The following NCK2 variants were observed in gnomAD, a reference collection of about 807,000 sequenced individuals.
The protein encoded by NCK2 is NCK adaptor protein 2.
NCK2 carries 16 observed loss-of-function variants against 33.9 expected under a neutral mutation model. The observed-to-expected ratio is 0.47, with a 90% CI of 0.32 to 0.72. The LOEUF is 0.72. Among genes scored for constraint, NCK2 ranks in the 30% least tolerant of loss-of-function variants. The pLI, the probability that NCK2 is intolerant of heterozygous loss-of-function variation, is 0.03. For missense variants in NCK2, 418 were observed against 537.3 expected (o/e 0.78, Z 2.19); for synonymous variants, 273 against 239.9 (o/e 1.14, Z -1.27).
At chr2:105,848,729 C>T (rs1396421508) in intron 2 of NCK2, 1 of 152,198 alleles carries the variant, frequency 6.6e-6, no homozygotes, top group Admixed American at 6.5e-5. Context: ...GAAACAAGCC[C>T]CTTCCCAAAT....
chr2:105,752,965 C>A (rs751430450), intron 1 of NCK2, among the ~76,000 whole-genome samples: 17 of 152,192 alleles, frequency 1.1e-4, no homozygotes, highest in African/African-American at 3.4e-4. Flanking sequence ...TGTAATAACT[C>A]ATTGAGTCCT....
chr2:105,762,588 C>G (rs557028405), intron 1 of NCK2, among the ~76,000 whole-genome samples: 3 of 152,140 alleles, frequency 2.0e-5, no homozygotes, highest in Non-Finnish European at 4.4e-5. Context: ...GAAAAAACAT[C>G]CTTATTTCCA....
rs1360838761 is a variant in NCK2 at position 105,881,391 on chromosome 2, C to A, written c.290C>A (p.Ala97Asp). The change falls in exon 4 of 5, where the codon GCC (alanine) becomes GAC (aspartate). Residue 97 changes from alanine to aspartate, a missense_variant. Ala to Asp is a moderately radical substitution (Grantham distance 126, BLOSUM62 -2). Transcript: ENST00000233154. ...RDASPTPSTD[A>D]EYPANGSGAD... ...GCGTCCCCCACGCCCAGCACGGACG[C>A]CGAGTACCCCGCCAATGGCAGCGGC... The A allele has an allele frequency of 2.5e-6, 4 of 1,611,546 alleles. No individual in the cohort carries two copies. Among genetic ancestry groups the A allele is most frequent in the Non-Finnish European group, 3.4e-6 (4 of 1,179,880 alleles).
intron 1 of NCK2, among the ~76,000 whole-genome samples, chr2:105,781,591 G>C (rs1241836499): frequency 6.6e-6 from 1 of 152,204 alleles, no homozygotes; most frequent in Non-Finnish European, 1.5e-5. Context: ...TGTGACTTTG[G>C]GCTGGCAGAG....
intron 3 of NCK2, among the ~76,000 whole-genome samples, chr2:105,872,838 G>A (rs545338357): frequency 1.1e-4 from 17 of 152,298 alleles, no homozygotes; most frequent in Non-Finnish European, 2.1e-4. Flanking sequence ...GAAATGATTC[G>A]GAGAAATCTC....
At chr2:105,813,313 T>A (rs1382178274) in intron 1 of NCK2, among the ~76,000 whole-genome samples, 1 of 152,240 alleles carries the variant, frequency 6.6e-6, no homozygotes, top group African/African-American at 2.4e-5. Flanking sequence ...TCCTGAAGGC[T>A]GACTTTAGTC....
At position 105,842,965 on chromosome 2, in the gene NCK2, C is replaced by CT. The variant is rs1676708001; in HGVS notation, c.-16-12081dup. ...CTAGTGGAGATAAAATACCATCAGG[C>CT]TTCACAGCACAGTTTTATTATTTTC... On this transcript the variant is annotated intron_variant, in intron 2 of 4. Coordinates refer to ENST00000233154, the MANE Select transcript of NCK2 (RefSeq NM_003581.5). 2.0e-5 allele frequency among the ~76,000 whole-genome samples: 3 copies of CT among 152,158 alleles called. No individual in the cohort carries two copies. In the South Asian group the frequency reaches 6.2e-4, roughly 32 times the overall value.
chr2:105,824,065 C>T (rs1157800934), intron 2 of NCK2, among the ~76,000 whole-genome samples: 1 of 152,104 alleles, frequency 6.6e-6, no homozygotes, highest in Non-Finnish European at 1.5e-5. Flanking sequence ...TGGCCAGGGA[C>T]AGGGAGAGGC....
chr2:105,789,934 G>C (rs56041518), intron 1 of NCK2, among the ~76,000 whole-genome samples: 4 of 152,236 alleles, frequency 2.6e-5, no homozygotes, highest in Non-Finnish European at 5.9e-5. Context: ...AAATGTTCAC[G>C]AATGGATGTT....
chr2:105,865,337 G>A (rs971758402), intron 3 of NCK2, among the ~76,000 whole-genome samples: 1 of 152,150 alleles, frequency 6.6e-6, no homozygotes, highest in Admixed American at 6.5e-5. Context: ...CTGATACTCA[G>A]AAGTTAAGTG....
Position 105,893,476 on chromosome 2 carries a change from TAAA to T in NCK2, c.*303_*305del. The T allele has an allele frequency of 3.1e-6, 1 of 321,834 alleles. No individual in the cohort carries two copies. Among genetic ancestry groups the T allele is most frequent in the Non-Finnish European group, 6.0e-6 (1 of 166,742 alleles). 19.9% of individuals were successfully genotyped at this position (321,834 alleles called of 1,614,324 possible). ...CGTTCCCGCTCATGGAACCCCTCTTTAAAAAGACGCAGGGCACCTGTGAGCGCA... is the reference window on the plus strand; with the variant it reads ...CGTTCCCGCTCATGGAACCCCTCTTTAAGACGCAGGGCACCTGTGAGCGCA... On this transcript the variant is annotated 3_prime_UTR_variant, in exon 5 of 5. Transcript: ENST00000233154.
At chr2:105,849,437 G>T (rs1676977214) in intron 2 of NCK2, among the ~76,000 whole-genome samples, 1 of 152,174 alleles carries the variant, frequency 6.6e-6, no homozygotes, top group Admixed American at 6.5e-5. Flanking sequence ...CTCTGTGGCG[G>T]GATAAATTGG....
chr2:105,838,310 GT>G (rs72497538), intron 2 of NCK2, among the ~76,000 whole-genome samples: 42,289 of 140,806 alleles, frequency 0.3, 6,992 homozygotes, highest in African/African-American at 0.51. Context: ...TTATTAAAAT[GT>G]TTTTTTTTTT....
chr2:105,776,551 C>T (rs1690309957), intron 1 of NCK2, among the ~76,000 whole-genome samples: 1 of 152,274 alleles, frequency 6.6e-6, no homozygotes, highest in African/African-American at 2.4e-5. Context: ...TGGGTTGTCC[C>T]CTGGCCTGGC....
chr2:105,842,681 G>A (rs1289957955), intron 2 of NCK2, among the ~76,000 whole-genome samples: 1 of 152,126 alleles, frequency 6.6e-6, no homozygotes, highest in Non-Finnish European at 1.5e-5. Context: ...TAAGTCAAGG[G>A]TACAAGTAAT....
chr2:105,762,808 A>T (rs11694417), intron 1 of NCK2, among the ~76,000 whole-genome samples: 48,180 of 152,170 alleles, frequency 0.32, 8,631 homozygotes, highest in East Asian at 0.45. Context: ...TGTGTTAATA[A>T]GGAAATACGT....
chr2:105,858,999 T>C lies in NCK2; in HGVS notation c.226+3710T>C, dbSNP rs368732142. Among the ~76,000 whole-genome samples, 7 of 152,322 alleles carry C rather than the reference T, an allele frequency of 4.6e-5. No homozygotes were observed. In the East Asian group the frequency reaches 5.8e-4, roughly 13 times the overall value. On this transcript the variant is annotated intron_variant, in intron 3 of 4. Coordinates refer to ENST00000233154, the MANE Select transcript of NCK2 (RefSeq NM_003581.5). ...TGCTGGCAGAATCCAGTTGATGTTT[T>C]TGAAGGGCTCAGACTGCACAGCTCT... is the stretch of plus-strand genomic sequence containing the variant.
At chr2:105,861,040 T>C (rs1413150829) in intron 3 of NCK2, among the ~76,000 whole-genome samples, 3 of 151,952 alleles carry the variant, frequency 2.0e-5, no homozygotes, top group Non-Finnish European at 2.9e-5. Context: ...GTGGAAACCC[T>C]CCAGGCAGCA....
chr2:105,760,904 G>A (rs184312096), intron 1 of NCK2, among the ~76,000 whole-genome samples: 10 of 152,212 alleles, frequency 6.6e-5, no homozygotes, highest in East Asian at 3.9e-4. Flanking sequence ...CATGCCTTGC[G>A]CTTTGGGACA....
Sources: gnomAD v4.1 joint callset for allele counts (sites outside exome capture counted in the v4.1 genomes callset) on GRCh38, gnomAD v4.1.1 for gene constraint, MANE v1.5 for transcripts, NCBI Gene and HGNC (gene_info 2026-07-23, HGNC 2026-07-21) for gene names.